MAF: variants seen among roughly 807,000 people sequenced by gnomAD.
MAF encodes the protein MAF bZIP transcription factor, also known as transcription factor Maf.
A neutral mutation model predicts 22.0 loss-of-function variants in MAF; 10 were observed. That is an observed-to-expected ratio of 0.45 (90% CI 0.28 to 0.77). The LOEUF (loss-of-function observed/expected upper bound fraction) is 0.77. MAF is among the 30% of genes least tolerant of loss of function. MAF has a pLI of 0.12. For synonymous variants in MAF, 337 were observed against 255.8 expected (o/e 1.32, Z -3.03); for missense variants, 544 against 548.4 (o/e 0.99, Z 0.08).
the MAF span, among the ~76,000 whole-genome samples, chr16:79,379,222 T>C: frequency 1.3e-5 from 2 of 152,182 alleles, no homozygotes; most frequent in Non-Finnish European, 2.9e-5. Context: ...CCCTAATAGA[T>C]TGGTTGTGTC....
the MAF span, among the ~76,000 whole-genome samples, chr16:79,574,514 C>G: frequency 1.3e-5 from 2 of 152,178 alleles, no homozygotes; most frequent in Non-Finnish European, 2.9e-5. Context: ...CTATGCATCT[C>G]TCTTAGTTCA....
the MAF span, among the ~76,000 whole-genome samples, chr16:79,539,802 C>T: frequency 0.044 from 6,647 of 152,142 alleles, 495 homozygotes; most frequent in African/African-American, 0.15. Flanking sequence ...TTCTAAATGC[C>T]ACATGATCAC....
the MAF span, among the ~76,000 whole-genome samples, chr16:79,402,220 G>C: frequency 1.4e-3 from 216 of 152,342 alleles, no homozygotes; most frequent in African/African-American, 5.0e-3. Context: ...TAGGAAGCAA[G>C]TGAGGATTAA....
the MAF span, among the ~76,000 whole-genome samples, chr16:79,213,602 T>C: frequency 1.3e-5 from 2 of 152,190 alleles, no homozygotes; most frequent in South Asian, 4.1e-4. Flanking sequence ...TTTGGAACCC[T>C]GCAACTTCCA....
At chr16:79,375,827 G>T in the MAF span, among the ~76,000 whole-genome samples, 2 of 152,108 alleles carry the variant, frequency 1.3e-5, no homozygotes, top group Non-Finnish European at 2.9e-5. Context: ...CTCCCTTGTG[G>T]TTCCCAGCCT....
At chr16:79,408,786 A>G in the MAF span, among the ~76,000 whole-genome samples, 5 of 152,164 alleles carry the variant, frequency 3.3e-5, no homozygotes, top group Non-Finnish European at 7.3e-5. Flanking sequence ...ACTAGATACT[A>G]AGGATACAGA....
At chr16:79,482,435 T>C in the MAF span, among the ~76,000 whole-genome samples, 1 of 152,158 alleles carries the variant, frequency 6.6e-6, no homozygotes, top group Non-Finnish European at 1.5e-5. Context: ...CCTGGTCTTT[T>C]ACAAAACCTG....
chr16:79,406,907 G>T, the MAF span, among the ~76,000 whole-genome samples: 1 of 152,280 alleles, frequency 6.6e-6, no homozygotes, highest in South Asian at 2.1e-4. Context: ...CCCAGAGCCA[G>T]TAGGGGCTGG....
chr16:79,213,770 C>A, the MAF span, among the ~76,000 whole-genome samples: 1 of 147,798 alleles, frequency 6.8e-6, no homozygotes, highest in Non-Finnish European at 1.5e-5. Flanking sequence ...AGAAACTGCA[C>A]ATTTCACTCA....
Position 79,599,419 on chromosome 16 carries a change from C to A in MAF, c.484G>T (p.Ala162Ser), listed in dbSNP as rs1913846170. 5 of 1,173,526 alleles carry A rather than the reference C, an allele frequency of 4.3e-6. No homozygotes were observed. The highest frequency in any genetic ancestry group is 5.2e-6 in the Non-Finnish European group (5 of 952,396). The allele number at this position is 1,173,526 out of a possible 1,614,324, so 72.7% of individuals were successfully genotyped here. A position where few individuals can be genotyped will look rare whatever the true frequency, so the allele number is the denominator to read the frequency against. The change falls in exon 1 of 2, where the codon GCC becomes TCC. Residue 162 changes from alanine to serine, a missense_variant. This residue lies in a region of MAF where 342 missense variants were observed against 315.5 expected (regional missense o/e 1.08). Coordinates refer to ENST00000326043, the MANE Select transcript of MAF (RefSeq NM_005360.5). ...GCGGCGATCACGGCGGACACCACGG[C>A]GGCGGCGGGGCCCATCTCCTCGCCG... ...GSGEEMGPAA[A>S]VVSAVIAAAA... is the part of the protein sequence containing the mutation.
chr16:79,590,430 T>C (rs1312316704), downstream of MAF, among the ~76,000 whole-genome samples: 1 of 151,804 alleles, frequency 6.6e-6, no homozygotes, highest in Non-Finnish European at 1.5e-5. Context: ...GGGGCGGAGG[T>C]GACTTATTGG....
the MAF span, among the ~76,000 whole-genome samples, chr16:79,267,253 T>A: frequency 2.0e-5 from 3 of 152,206 alleles, no homozygotes; most frequent in African/African-American, 7.2e-5. Flanking sequence ...GGTGGGGTAT[T>A]GTGCCCATTA....
At chr16:79,513,441 T>C in the MAF span, among the ~76,000 whole-genome samples, 1 of 152,222 alleles carries the variant, frequency 6.6e-6, no homozygotes, top group Admixed American at 6.5e-5. Context: ...ATAGACGTGC[T>C]AACTTCCTAA....
the MAF span, among the ~76,000 whole-genome samples, chr16:79,576,453 A>G: frequency 4.6e-5 from 7 of 152,204 alleles, no homozygotes; most frequent in South Asian, 8.3e-4. Context: ...TGATAGCAAG[A>G]TTAAATGTTT....
chr16:79,459,172 A>G, the MAF span, among the ~76,000 whole-genome samples: 1 of 152,232 alleles, frequency 6.6e-6, no homozygotes. Flanking sequence ...AGCTGGGGTC[A>G]ACTACAGATT....
At chr16:79,550,681 C>A in the MAF span, among the ~76,000 whole-genome samples, 1 of 152,078 alleles carries the variant, frequency 6.6e-6, no homozygotes, top group African/African-American at 2.4e-5. Flanking sequence ...TCCATCTCAC[C>A]GCCTGTTATT....
chr16:79,365,530 G>T, the MAF span, among the ~76,000 whole-genome samples: 1 of 152,120 alleles, frequency 6.6e-6, no homozygotes, highest in Non-Finnish European at 1.5e-5. Flanking sequence ...TTGTGATGAG[G>T]GGCCCTAGCT....
the MAF span, among the ~76,000 whole-genome samples, chr16:79,511,679 C>T: frequency 2.6e-5 from 4 of 152,288 alleles, no homozygotes; most frequent in East Asian, 5.8e-4. Flanking sequence ...ATTGAGTGCT[C>T]ACCAATCGGC....
the MAF span, among the ~76,000 whole-genome samples, chr16:79,437,133 GCTCT>G: frequency 0.036 from 3,496 of 98,196 alleles, 92 homozygotes; most frequent in East Asian, 0.2. Flanking sequence ...ATGGGAGAAA[GCTCT>G]CTCTCTCTCT....
Sources: allele counts gnomAD v4.1 joint callset (sites outside exome capture counted in the v4.1 genomes callset), GRCh38; gene constraint gnomAD v4.1.1; regional missense constraint gnomAD v4.1.1; transcripts MANE v1.5; gene names NCBI Gene and HGNC (gene_info 2026-07-23, HGNC 2026-07-21).